Variants in MERTK observed in about 807,000 individuals in gnomAD.
The protein encoded by MERTK is MER proto-oncogene, tyrosine kinase.
In MERTK, 69 loss-of-function variants were observed where a neutral mutation model predicts 99.3. The ratio of observed to expected loss-of-function variants is 0.70; its 90% CI spans 0.57 to 0.85. The LOEUF (loss-of-function observed/expected upper bound fraction) is 0.85. Among genes scored for constraint, MERTK ranks in the 40% least tolerant of loss-of-function variants. The probability of loss-of-function intolerance (pLI) is 0.00; values close to 1 mark genes in which losing one functional copy is unlikely to be tolerated. For missense variants in MERTK, 1,125 were observed against 1,249.4 expected, an observed-to-expected ratio of 0.90 and a Z score of 1.50; for synonymous variants, 426 against 467.6, an observed-to-expected ratio of 0.91 and a Z score of 1.15.
intron 2 of MERTK, chr2:111,930,600 G>A (rs1308594878): frequency 6.6e-6 from 1 of 152,284 alleles, no homozygotes; most frequent in Non-Finnish European, 1.5e-5. Context: ...GGCAGGAAGA[G>A]ATGGAAAGTC....
chr2:112,023,821 G>A (rs754221078), intron 18 of MERTK, among the ~76,000 whole-genome samples: 4 of 151,992 alleles, frequency 2.6e-5, no homozygotes, highest in South Asian at 2.1e-4. Flanking sequence ...GTGGGCCTGC[G>A]CTGGCTCTGT....
chr2:112,019,503 T>A lies in MERTK; in HGVS notation c.2170T>A (p.Leu724Ile), dbSNP rs1677288931. The A allele has an allele frequency of 6.2e-7, 1 of 1,613,016 alleles. No individual in the cohort carries two copies. Among genetic ancestry groups the A allele is most frequent in the African/African-American group, 1.3e-5 (1 of 74,888 alleles). Residue 724 changes from leucine (L) to isoleucine (I), a missense_variant, in exon 16 of 19, where the codon TTA becomes ATA. Coordinates refer to ENST00000295408, the MANE Select transcript of MERTK (RefSeq NM_006343.3). ...CAACAGGAATTTTCTTCATCGAGAT[T>A]TAGCTGCTCGAAACTGCATGTAAGA... ...LSNRNFLHRD[L>I]AARNCMLRDD...
intron 17 of MERTK, 131 bp from the exon 18 acceptor site, chr2:112,022,127 G>A (rs760234714): frequency 4.4e-5 from 55 of 1,248,218 alleles, no homozygotes; most frequent in Non-Finnish European, 6.1e-5. Flanking sequence ...GGAGAGCAGT[G>A]CGTCTCACAC....
chr2:111,944,838 C>A, intron 2 of MERTK, 122 bp from the exon 3 acceptor site: 1 of 840,118 alleles, frequency 1.2e-6, no homozygotes, highest in Non-Finnish European at 1.9e-6. Context: ...AATGGCCTAG[C>A]CAAGCTGACA....
intron 7 of MERTK, among the ~76,000 whole-genome samples, chr2:111,979,119 G>A (rs745702972): frequency 2.6e-5 from 4 of 152,102 alleles, no homozygotes; most frequent in Non-Finnish European, 5.9e-5. Context: ...AAGGATTCTG[G>A]TGCCTTCTCC....
In MERTK at chr2:112,008,446, T is replaced by A. The variant is rs773141019; in HGVS notation, c.1931T>A (p.Phe644Tyr). The change falls in exon 14 of 19, where the codon TTC becomes TAC. Residue 644 changes from phenylalanine (F) to tyrosine (Y), a missense_variant. Physicochemically the swap from Phe to Tyr is conservative, Grantham distance 22. Transcript: ENST00000295408. ...AGTGAGGCAGCGTGCATGAAAGACT[T>A]CAGCCACCCAAATGTCATTCGACTT... ...FLSEAACMKD[F>Y]SHPNVIRLLG... is the part of the protein sequence containing the mutation. 1 of 1,614,128 alleles carries A rather than the reference T, an allele frequency of 6.2e-7. No individual in the cohort carries two copies. Among genetic ancestry groups the A allele is most frequent in the Middle Eastern group, 1.6e-4 (1 of 6,062 alleles).
In MERTK at chr2:112,029,338, A is replaced by G. The variant is rs1677534282; in HGVS notation, c.*474A>G. ...TTGTATAACTGATTAATTTTCTGAT[A>G]TGGCTTCCTAATAAAATATGAATAA... On this transcript the variant is annotated 3_prime_UTR_variant, in exon 19 of 19. Transcript: ENST00000295408. The G allele has an allele frequency of 2.1e-6, 2 of 940,210 alleles. No individual in the cohort carries two copies. The highest frequency in any genetic ancestry group is 2.5e-6 in the Non-Finnish European group (2 of 788,120). The allele number at this position is 940,210 out of a possible 1,614,324, so 58.2% of individuals were successfully genotyped here. A position where few individuals can be genotyped will look rare whatever the true frequency, so the allele number is the denominator to read the frequency against.
chr2:112,014,853 G>A (rs1478622762), intron 15 of MERTK, among the ~76,000 whole-genome samples: 1 of 151,952 alleles, frequency 6.6e-6, no homozygotes, highest in African/African-American at 2.4e-5. Context: ...TGGTCAGGCT[G>A]GTCTCAAACT....
At chr2:112,021,208 CA>C (rs1201428790) in intron 16 of MERTK, among the ~76,000 whole-genome samples, 21 of 149,220 alleles carry the variant, frequency 1.4e-4, no homozygotes, top group Admixed American at 8.7e-4. Flanking sequence ...TCAAAAGTCT[CA>C]AAAAAAAAAT....
intron 1 of MERTK, among the ~76,000 whole-genome samples, chr2:111,921,938 T>A (rs1684467089): frequency 6.6e-6 from 1 of 152,104 alleles, no homozygotes; most frequent in Non-Finnish European, 1.5e-5. Flanking sequence ...TTCTGCCCAT[T>A]TTATTGTTGG....
intron 6 of MERTK, among the ~76,000 whole-genome samples, chr2:111,970,320 C>T (rs1420036831): frequency 6.6e-6 from 1 of 151,956 alleles, no homozygotes; most frequent in Non-Finnish European, 1.5e-5. Context: ...CCACGCCCAC[C>T]TAATTTTTGT....
chr2:111,980,076 C>A (rs1013081508), intron 7 of MERTK, among the ~76,000 whole-genome samples: 13 of 152,164 alleles, frequency 8.5e-5, no homozygotes, highest in Admixed American at 6.5e-4. Context: ...AGATACGATA[C>A]CCCCCAACTG....
intron 8 of MERTK, 27 bp downstream of exon 8, chr2:111,983,020 ATT>A (rs764315219): frequency 1.6e-5 from 15 of 911,350 alleles, no homozygotes; most frequent in Non-Finnish European, 2.1e-5. Context: ...GAAGAGCACG[ATT>A]AGTCATCTCC....
chr2:111,955,425 G>T (rs1403795697), intron 4 of MERTK, among the ~76,000 whole-genome samples: 1 of 152,030 alleles, frequency 6.6e-6, no homozygotes, highest in Non-Finnish European at 1.5e-5. Flanking sequence ...CAATTTCAGG[G>T]GTTAGGTTTG....
At chr2:111,905,587 C>T (rs2104660302) in intron 1 of MERTK, among the ~76,000 whole-genome samples, 1 of 151,838 alleles carries the variant, frequency 6.6e-6, no homozygotes, top group Non-Finnish European at 1.5e-5. Flanking sequence ...CCTGTCTCAG[C>T]CTCCCGAGTA....
chr2:112,017,855 T>C (rs979272094), intron 15 of MERTK, among the ~76,000 whole-genome samples: 3 of 151,968 alleles, frequency 2.0e-5, no homozygotes, highest in Non-Finnish European at 2.9e-5. Flanking sequence ...GAAGTTGGGG[T>C]CAATGTTTAG....
Position 111,940,768 on chromosome 2 carries a change from A to C in MERTK, c.483-4192A>C. ...TTTTTCAGCATTATCTCCATATTCA[A>C]ATCTAACAGCTAAACCAAGAAGCCA... On this transcript the variant is annotated intron_variant, in intron 2 of 18. Coordinates refer to ENST00000295408, the MANE Select transcript of MERTK (RefSeq NM_006343.3). 4.0e-6 allele frequency: 4 copies of C among 1,004,506 alleles called. No homozygotes were observed. The South Asian group carries it at 5.0e-5, about 13-fold the overall frequency. The allele number at this position is 1,004,506 out of a possible 1,614,324, so 62.2% of individuals were successfully genotyped here. A position where few individuals can be genotyped will look rare whatever the true frequency, so the allele number is the denominator to read the frequency against.
intron 1 of MERTK, among the ~76,000 whole-genome samples, chr2:111,901,971 C>T (rs111318505): frequency 1.8e-3 from 276 of 152,142 alleles, no homozygotes; most frequent in African/African-American, 6.4e-3. Flanking sequence ...CGCAACTTCC[C>T]GCCTCCCGGG....
intron 13 of MERTK, 123 bp from the exon 14 acceptor site, chr2:112,008,260 T>G (rs1257442347): frequency 2.7e-6 from 2 of 746,854 alleles, no homozygotes; most frequent in Non-Finnish European, 4.7e-6. Context: ...CTCATCTGTT[T>G]CCTGTCTCTA....
Sources: allele counts gnomAD v4.1 joint callset (sites outside exome capture counted in the v4.1 genomes callset), GRCh38; gene constraint gnomAD v4.1.1; transcripts MANE v1.5; gene names NCBI Gene and HGNC (gene_info 2026-07-23, HGNC 2026-07-21).